VBP1: variants seen among roughly 807,000 people sequenced by gnomAD.
VBP1 encodes prefoldin subunit 3.
A neutral mutation model predicts 15.5 loss-of-function variants in VBP1; 4 were observed. The ratio of observed to expected loss-of-function variants is 0.26; its 90% CI spans 0.13 to 0.59. The LOEUF (loss-of-function observed/expected upper bound fraction) is 0.59. Among genes scored for constraint, VBP1 ranks in the 20% least tolerant of loss-of-function variants. The pLI, the probability that VBP1 is intolerant of heterozygous loss-of-function variation, is 0.90. For missense variants in VBP1, 108 were observed against 139.6 expected (o/e 0.77, Z 1.14); for synonymous variants, 61 against 52.1 (o/e 1.17, Z -0.74).
intron 1 of VBP1, among the ~76,000 whole-genome samples, chrX:155,203,127 T>A (rs1197596371): frequency 9.0e-6 from 1 of 111,587 alleles, no homozygotes; most frequent in Non-Finnish European, 1.9e-5. Flanking sequence ...CTGGAGAGGA[T>A]GTGGAGAAAT....
intron 1 of VBP1, among the ~76,000 whole-genome samples, chrX:155,198,375 T>C (rs2074586939): frequency 8.9e-6 from 1 of 111,801 alleles, no homozygotes; most frequent in Non-Finnish European, 1.9e-5. Context: ...AGGGGCAGAC[T>C]GACACCTCAC....
upstream of VBP1, chrX:155,216,262 G>A: frequency 2.8e-6 from 2 of 702,268 alleles, no homozygotes; most frequent in Non-Finnish European, 4.0e-6. Context: ...CTTCTCTTTC[G>A]CGGCCCTTCC....
At chrX:155,199,846 G>C (rs1168557354) in intron 1 of VBP1, among the ~76,000 whole-genome samples, 8 of 103,485 alleles carry the variant, frequency 7.7e-5, no homozygotes, top group Non-Finnish European at 1.2e-4. Flanking sequence ...CCATCAGTGT[G>C]CTGTATTCAG....
At chrX:155,202,495 C>G (rs1318301103) in intron 1 of VBP1, among the ~76,000 whole-genome samples, 2 of 110,834 alleles carry the variant, frequency 1.8e-5, no homozygotes, top group Non-Finnish European at 3.8e-5. Flanking sequence ...CTGAGAAAAA[C>G]AAGCAGTGGG....
intron 2 of VBP1, among the ~76,000 whole-genome samples, chrX:155,222,584 TAGAC>T (rs1280860564): frequency 1.8e-5 from 2 of 111,503 alleles, no homozygotes; most frequent in African/African-American, 6.5e-5. Flanking sequence ...AAATTAATGA[TAGAC>T]AAAAACAAAA....
At position 155,221,615 on chromosome X, in the gene VBP1, A is replaced by G. The variant is rs782143299; in HGVS notation, c.218+1308A>G. 8.0e-5 allele frequency among the ~76,000 whole-genome samples: 9 copies of G among 112,336 alleles called. No individual in the cohort carries two copies. The South Asian group carries it at 3.3e-3, about 41-fold the overall frequency. Reference sequence around the variant, plus strand: ...TAGAGGTACAGGGGGATGGTAACTCATTACTTTGTACCAAAGCACCTCATT... The same window carrying G: ...TAGAGGTACAGGGGGATGGTAACTCGTTACTTTGTACCAAAGCACCTCATT... On this transcript the variant is annotated intron_variant, in intron 2 of 5. Coordinates refer to ENST00000286428, the MANE Select transcript of VBP1 (RefSeq NM_003372.7).
intron 1 of VBP1, among the ~76,000 whole-genome samples, chrX:155,203,073 C>G (rs2124038928): frequency 8.9e-6 from 1 of 112,077 alleles, no homozygotes; most frequent in South Asian, 3.7e-4. Flanking sequence ...CCGTCTCACA[C>G]CAGTTAGAAT....
At chrX:155,219,115 G>A (rs782407326) in intron 1 of VBP1, among the ~76,000 whole-genome samples, 1 of 111,876 alleles carries the variant, frequency 8.9e-6, no homozygotes, top group South Asian at 3.7e-4. Flanking sequence ...CCCTTGCTGT[G>A]TTTCTCTTCC....
intron 4 of VBP1, among the ~76,000 whole-genome samples, chrX:155,234,194 C>T (rs1557311249): frequency 1.1e-5 from 1 of 92,285 alleles, no homozygotes; most frequent in Non-Finnish European, 2.0e-5. Flanking sequence ...GATCTTGGGT[C>T]ACTGCAACTT....
intron 2 of VBP1, among the ~76,000 whole-genome samples, chrX:155,211,017 T>A (rs2074643211): frequency 8.9e-6 from 1 of 112,140 alleles, no homozygotes; most frequent in Non-Finnish European, 1.9e-5. Context: ...TGATGAATTT[T>A]CTAGAGATTA....
At chrX:155,197,260 C>T (rs1225054589) in intron 1 of VBP1, 4 of 111,506 alleles carry the variant, frequency 3.6e-5, no homozygotes, top group Non-Finnish European at 7.6e-5. Context: ...CTCTGATGTG[C>T]AATGTTTTCC....
chrX:155,197,424 G>A (rs1263280920), intron 1 of VBP1, among the ~76,000 whole-genome samples: 1 of 111,749 alleles, frequency 8.9e-6, no homozygotes, highest in Non-Finnish European at 1.9e-5. Flanking sequence ...AGTTCACTAT[G>A]AATTTGTTCT....
At chrX:155,215,796 T>C (rs2124060368), upstream of VBP1, among the ~76,000 whole-genome samples, 1 of 111,879 alleles carries the variant, frequency 8.9e-6, no homozygotes, top group African/African-American at 3.3e-5. Flanking sequence ...TAGGATGACA[T>C]TGGGTAAGTC....
rs971441601 is a variant in VBP1, at chrX:155,197,140, G to A, written c.-31+1G>A. 1 of 112,080 alleles carries A rather than the reference G, an allele frequency of 8.9e-6. No homozygotes were observed. Among genetic ancestry groups the A allele is most frequent in the Admixed American group, 9.5e-5 (1 of 10,577 alleles). The allele number at this position is 112,080 out of a possible 1,213,427, so 9.2% of individuals were successfully genotyped here. A position where few individuals can be genotyped will look rare whatever the true frequency, so the allele number is the denominator to read the frequency against. On this transcript the variant is annotated splice_donor_variant, in intron 1 of 6. Transcript: ENST00000535916. LOFTEE classifies it low-confidence loss of function (5UTR_SPLICE). ...ACTGAGAAAGTTTTATTTGTTGGAG[G>A]TAATGTGATTATGGTTGAAATTTTT...
chrX:155,200,103 A>G (rs1245483199), intron 1 of VBP1, among the ~76,000 whole-genome samples: 2 of 97,626 alleles, frequency 2.0e-5, no homozygotes, highest in East Asian at 6.4e-4. Flanking sequence ...ACCCAGTTTC[A>G]TAAAGCAAGT....
At chrX:155,224,156 G>A (rs1437782910) in intron 2 of VBP1, among the ~76,000 whole-genome samples, 1 of 111,084 alleles carries the variant, frequency 9.0e-6, no homozygotes, top group African/African-American at 3.3e-5. Flanking sequence ...CATCCCAGAC[G>A]ATGGGCGGCC....
upstream of VBP1, among the ~76,000 whole-genome samples, chrX:155,214,800 C>A (rs782471010): frequency 7.5e-4 from 61 of 81,533 alleles, 1 homozygote; most frequent in Admixed American, 2.4e-3. Flanking sequence ...AAGAAAATGA[C>A]CACCTATAGA....
intron 1 of VBP1, among the ~76,000 whole-genome samples, chrX:155,208,081 A>G (rs976385570): frequency 8.9e-6 from 1 of 112,140 alleles, no homozygotes; most frequent in Non-Finnish European, 1.9e-5. Context: ...AAAGATCAAG[A>G]GGAGGAAGCA....
intron 4 of VBP1, among the ~76,000 whole-genome samples, chrX:155,234,422 CCT>C (rs1431059401): frequency 2.7e-5 from 3 of 110,762 alleles, no homozygotes; most frequent in Non-Finnish European, 5.7e-5. Context: ...GCCTGGCCCC[CCT>C]GTTTCTTCTA....
Sources: gnomAD v4.1 joint callset for allele counts (sites outside exome capture counted in the v4.1 genomes callset) on GRCh38, gnomAD v4.1.1 for gene constraint, MANE v1.5 for transcripts, NCBI Gene and HGNC (gene_info 2026-07-23, HGNC 2026-07-21) for gene names.